GLRA3: variants seen among roughly 807,000 people sequenced by gnomAD.
The protein encoded by GLRA3 is glycine receptor alpha 3.
A neutral mutation model predicts 60.4 loss-of-function variants in GLRA3; 44 were observed. The observed-to-expected ratio is 0.73, with a 90% CI of 0.57 to 0.94. The LOEUF is 0.94. Among genes scored for constraint, GLRA3 ranks in the 40% least tolerant of loss-of-function variants. The pLI is 0.00. For synonymous variants in GLRA3, 223 were observed against 192.9 expected, an observed-to-expected ratio of 1.16 and a Z score of -1.29; for missense variants, 508 against 564.6, an observed-to-expected ratio of 0.90 and a Z score of 1.02.
At chr4:174,827,694 T>C (rs1284978731) in intron 1 of GLRA3, among the ~76,000 whole-genome samples, 2 of 152,004 alleles carry the variant, frequency 1.3e-5, no homozygotes, top group East Asian at 1.9e-4. Context: ...GTTTCTATTA[T>C]ATATAGGCAA....
chr4:174,722,485 T>C (rs552573489), intron 4 of GLRA3: 1 of 152,364 alleles, frequency 6.6e-6, no homozygotes, highest in African/African-American at 2.4e-5. Context: ...AATTCCCCTA[T>C]GTTGACGTAG....
intron 7 of GLRA3, among the ~76,000 whole-genome samples, chr4:174,662,780 T>C (rs1185679280): frequency 1.3e-5 from 2 of 152,196 alleles, no homozygotes; most frequent in Admixed American, 1.3e-4. Context: ...TGTGCTGACT[T>C]GCTGTGTTAC....
chr4:174,813,765 C>G (rs1219917832), intron 1 of GLRA3, among the ~76,000 whole-genome samples: 3 of 152,260 alleles, frequency 2.0e-5, no homozygotes, highest in African/African-American at 7.2e-5. Flanking sequence ...GCTATTAAAA[C>G]TTTTCTTTGT....
intron 6 of GLRA3, 68 bp downstream of exon 6, chr4:174,682,734 A>G (rs762572962): frequency 6.1e-6 from 7 of 1,144,554 alleles, no homozygotes; most frequent in South Asian, 1.4e-5. Flanking sequence ...TTAGCATTAT[A>G]ATGAAGAAAC....
intron 7 of GLRA3, among the ~76,000 whole-genome samples, chr4:174,666,761 AT>A (rs1733689465): frequency 2.8e-5 from 2 of 72,372 alleles, no homozygotes; most frequent in Non-Finnish European, 4.7e-5. Context: ...TATATATATT[AT>A]ATATATATAT....
chr4:174,740,126 C>T, intron 3 of GLRA3, among the ~76,000 whole-genome samples: 1 of 152,166 alleles, frequency 6.6e-6, no homozygotes, highest in East Asian at 1.9e-4. Context: ...TTAGTTGACA[C>T]AATTCCAGAC....
At chr4:174,740,705 C>G (rs553277697) in intron 3 of GLRA3, among the ~76,000 whole-genome samples, 1 of 152,322 alleles carries the variant, frequency 6.6e-6, no homozygotes, top group Admixed American at 6.5e-5. Flanking sequence ...CCATCACAGG[C>G]AGGTTACAGA....
At chr4:174,660,901 C>T (rs1579402853) in intron 7 of GLRA3, among the ~76,000 whole-genome samples, 1 of 152,136 alleles carries the variant, frequency 6.6e-6, no homozygotes, top group South Asian at 2.1e-4. Flanking sequence ...CTGGATTGGG[C>T]CATTAGAAGC....
Position 174,704,671 on chromosome 4 carries a change from T to G in GLRA3, c.574+10817A>C, listed in dbSNP as rs187079793. 5.6e-4 allele frequency among the ~76,000 whole-genome samples: 81 copies of G among 144,374 alleles called. 5 individuals are homozygous for G. Among genetic ancestry groups the G allele is most frequent in the African/African-American group, 1.8e-3 (71 of 40,040 alleles). The allele number at this position is 144,374 out of a possible 152,430, so 94.7% of individuals were successfully genotyped here. On this transcript the variant is annotated intron_variant, in intron 5 of 9. Coordinates refer to ENST00000274093, the MANE Select transcript of GLRA3 (RefSeq NM_006529.4). ...GTGTTCATAGCAGCATTACTCACTA[T>G]AGCCAAAATATGAAAGTAACCCATT... is the stretch of plus-strand genomic sequence containing the variant.
chr4:174,650,911 T>A (rs1164170537), intron 9 of GLRA3, among the ~76,000 whole-genome samples: 1 of 152,224 alleles, frequency 6.6e-6, no homozygotes, highest in Admixed American at 6.5e-5. Context: ...AAAACTTGTA[T>A]GAAAATTGCT....
intron 1 of GLRA3, 60 bp downstream of exon 1, chr4:174,828,681 G>T (rs1346559030): frequency 2.0e-6 from 2 of 1,010,546 alleles, no homozygotes; most frequent in African/African-American, 1.6e-5. Context: ...ATAACAAGTG[G>T]TTGCAACGTA....
chr4:174,790,893 A>G (rs1171652083), intron 1 of GLRA3, among the ~76,000 whole-genome samples: 2 of 149,910 alleles, frequency 1.3e-5, no homozygotes, highest in African/African-American at 4.9e-5. Context: ...AGTCCCAGCT[A>G]CTGGGAAGGC....
chr4:174,800,679 T>C (rs983758801), intron 1 of GLRA3, among the ~76,000 whole-genome samples: 2 of 152,116 alleles, frequency 1.3e-5, no homozygotes, highest in Admixed American at 6.5e-5. Context: ...AGCAAAACTT[T>C]AATTACACAT....
intron 2 of GLRA3, among the ~76,000 whole-genome samples, chr4:174,784,561 G>T (rs1476049939): frequency 6.6e-6 from 1 of 150,952 alleles, no homozygotes; most frequent in Admixed American, 6.6e-5. Flanking sequence ...CCAATGACCT[G>T]TGCCTAAGTG....
intron 3 of GLRA3, among the ~76,000 whole-genome samples, chr4:174,761,110 T>C (rs1416945190): frequency 6.6e-6 from 1 of 152,140 alleles, no homozygotes; most frequent in Non-Finnish European, 1.5e-5. Flanking sequence ...TTTCTTAAGA[T>C]GGTGATAGTT....
intron 5 of GLRA3, among the ~76,000 whole-genome samples, chr4:174,698,927 A>G (rs1184695424): frequency 6.6e-6 from 1 of 152,124 alleles, no homozygotes; most frequent in East Asian, 1.9e-4. Flanking sequence ...ACTGTAAATC[A>G]TTTATTATTA....
chr4:174,767,551 T>C (rs1455521030), intron 2 of GLRA3, among the ~76,000 whole-genome samples: 2 of 152,148 alleles, frequency 1.3e-5, no homozygotes, highest in Non-Finnish European at 2.9e-5. Flanking sequence ...TGGACCAATA[T>C]GGTAAAGTTT....
At chr4:174,804,030 A>AT (rs1390767720) in intron 1 of GLRA3, among the ~76,000 whole-genome samples, 5 of 152,162 alleles carry the variant, frequency 3.3e-5, no homozygotes, top group Admixed American at 2.6e-4. Context: ...CTGAATGGAT[A>AT]TTTAAAGTAG....
At chr4:174,740,886 TCTTGA>T (rs1398633388) in intron 3 of GLRA3, among the ~76,000 whole-genome samples, 2 of 152,220 alleles carry the variant, frequency 1.3e-5, no homozygotes, top group African/African-American at 4.8e-5. Flanking sequence ...TCTGGCTCTT[TCTTGA>T]CTTAAGTTAT....
Sources: allele counts gnomAD v4.1 joint callset (sites outside exome capture counted in the v4.1 genomes callset), GRCh38; gene constraint gnomAD v4.1.1; transcripts MANE v1.5; gene names NCBI Gene and HGNC (gene_info 2026-07-23, HGNC 2026-07-21).